The following GAGE12J variants were observed in gnomAD, a reference collection of about 807,000 sequenced individuals.
The protein encoded by GAGE12J is G antigen 12J, also known as G antigen 11.
GAGE12J carries 5 observed loss-of-function variants against 8.5 expected under a neutral mutation model. The observed-to-expected ratio is 0.59, with a 90% confidence interval of 0.31 to 1.24. The LOEUF (loss-of-function observed/expected upper bound fraction) is 1.24, where lower values mean the gene tolerates loss of function less well. Ranked by LOEUF, GAGE12J falls within the 50% of genes most tolerant of loss-of-function variation. The pLI, the probability that GAGE12J is intolerant of heterozygous loss-of-function variation, is 0.06. For synonymous variants in GAGE12J, 10 were observed against 19.2 expected, an observed-to-expected ratio of 0.52 and a Z score of 1.25; for missense variants, 26 against 63.0, an observed-to-expected ratio of 0.41 and a Z score of 1.99.
rs1396195601 is a variant in GAGE12J at position 49,328,128 on chromosome X, T to G, written c.332-1143T>G. ...TTATTTATTTATTTATTGTTATACT[T>G]TAAGTTTTAGGGTACATGTGCACGT... is the stretch of plus-strand genomic sequence containing the variant. On this transcript the variant is annotated intron_variant, in intron 4 of 4. Coordinates refer to ENST00000442437, the MANE Select transcript of GAGE12J (RefSeq NM_001098406.4). 4.1e-4 allele frequency among the ~76,000 whole-genome samples: 31 copies of G among 76,083 alleles called. 7 individuals are homozygous for G. Among genetic ancestry groups the G allele is most frequent in the Non-Finnish European group, 1.0e-3 (31 of 30,191 alleles). The allele number at this position is 76,083 out of a possible 115,157, so 66.1% of individuals were successfully genotyped here. A position where few individuals can be genotyped will look rare whatever the true frequency, so the allele number is the denominator to read the frequency against.
At chrX:49,325,519 C>A (rs1488937819) in intron 3 of GAGE12J, among the ~76,000 whole-genome samples, 13 of 88,698 alleles carry the variant, frequency 1.5e-4, no homozygotes, top group Admixed American at 2.4e-4. Flanking sequence ...CTGGATTCAC[C>A]AATTGTTAAT....
In GAGE12J at chrX:49,323,193, T is replaced by G. The variant is rs782006335; in HGVS notation, c.-1T>G. 8.8e-7 allele frequency: 1 copy of G among 1,134,346 alleles called. No individual in the cohort carries two copies. The highest frequency in any genetic ancestry group is 1.2e-6 in the Non-Finnish European group (1 of 833,990). The allele number at this position is 1,134,346 out of a possible 1,213,427, so 93.5% of individuals were successfully genotyped here. A position where few individuals can be genotyped will look rare whatever the true frequency, so the allele number is the denominator to read the frequency against. Reference sequence around the variant, plus strand: ...ACGGTTGTCTGTTTTCAGTGTGAAATATGAGTTGGCGAGGAAGATCGACCT... The same window carrying G: ...ACGGTTGTCTGTTTTCAGTGTGAAAGATGAGTTGGCGAGGAAGATCGACCT... On this transcript the variant is annotated 5_prime_UTR_variant, in exon 2 of 5. Transcript: ENST00000442437.
chrX:49,326,960 TGTCTCCA>T (rs2066446447), intron 4 of GAGE12J, 145 bp downstream of exon 4: 1 of 924,867 alleles, frequency 1.1e-6, no homozygotes, highest in Non-Finnish European at 1.5e-6. Context: ...CTGGAAATTC[TGTCTCCA>T]GGGTTCAAGT....
At chrX:49,325,617 A>T (rs1240053099) in intron 3 of GAGE12J, among the ~76,000 whole-genome samples, 2 of 79,843 alleles carry the variant, frequency 2.5e-5, no homozygotes, top group Admixed American at 1.3e-4. Flanking sequence ...ACACATACAT[A>T]CTGTTATTAA....
Position 49,322,541 on chromosome X carries a change from C to A in GAGE12J, c.-9+397C>A, listed in dbSNP as rs1387067923. On this transcript the variant is annotated intron_variant, in intron 1 of 4. Coordinates refer to ENST00000442437, the MANE Select transcript of GAGE12J (RefSeq NM_001098406.4). ...GCTGCGGCCTGGTGAGCGCCCCCCC[C>A]AGCGGTGTGGAGTGCGGAGCGCCTG... 2.0e-5 allele frequency among the ~76,000 whole-genome samples: 2 copies of A among 97,974 alleles called. 1 individual carries two copies. The highest frequency in any genetic ancestry group is 6.8e-5 in the African/African-American group (2 of 29,498). The allele number at this position is 97,974 out of a possible 115,157, so 85.1% of individuals were successfully genotyped here.
intron 2 of GAGE12J, 141 bp from the exon 3 acceptor site, chrX:49,323,602 T>C: frequency 1.5e-6 from 1 of 648,964 alleles, no homozygotes; most frequent in Non-Finnish European, 2.3e-6. Flanking sequence ...GTAACCTTAT[T>C]GGGCATAGAG....
chrX:49,328,132 G>C (rs1327044514), intron 4 of GAGE12J, among the ~76,000 whole-genome samples: 3 of 75,159 alleles, frequency 4.0e-5, no homozygotes, highest in Admixed American at 1.4e-4. Context: ...TATACTTTAA[G>C]TTTTAGGGTA....
intron 3 of GAGE12J, among the ~76,000 whole-genome samples, chrX:49,325,512 G>A (rs1219242851): frequency 2.2e-5 from 2 of 90,743 alleles, no homozygotes; most frequent in Admixed American, 2.3e-4. Context: ...TGTTCATCTG[G>A]ATTCACCAAT....
chrX:49,322,386 G>A (rs1449943475), intron 1 of GAGE12J, among the ~76,000 whole-genome samples: 2 of 108,811 alleles, frequency 1.8e-5, no homozygotes, highest in Non-Finnish European at 3.9e-5. Flanking sequence ...GTGAAGATGG[G>A]GTGAGTGCTG....
intron 2 of GAGE12J, 63 bp downstream of exon 2, chrX:49,323,340 T>G (rs1293183181): frequency 1.1e-6 from 1 of 921,706 alleles, no homozygotes; most frequent in Admixed American, 2.5e-5. Context: ...GTGATAGCGT[T>G]GTTGCATTAG....
At chrX:49,325,583 C>T (rs2066441694) in intron 3 of GAGE12J, among the ~76,000 whole-genome samples, 1 of 79,685 alleles carries the variant, frequency 1.3e-5, no homozygotes, top group African/African-American at 3.4e-5. Flanking sequence ...ACCGTGCTGC[C>T]CACACACTCA....
At position 49,322,538 on chromosome X, in the gene GAGE12J, C is replaced by A. The variant is rs1229681726; in HGVS notation, c.-9+394C>A. 1.9e-4 allele frequency among the ~76,000 whole-genome samples: 19 copies of A among 98,487 alleles called. 1 individual carries two copies. Among genetic ancestry groups the A allele is most frequent in the African/African-American group, 5.7e-4 (17 of 29,598 alleles). The allele number at this position is 98,487 out of a possible 115,157, so 85.5% of individuals were successfully genotyped here. On this transcript the variant is annotated intron_variant, in intron 1 of 4. Coordinates refer to ENST00000442437, the MANE Select transcript of GAGE12J (RefSeq NM_001098406.4). ...AAGGCTGCGGCCTGGTGAGCGCCCC[C>A]CCCAGCGGTGTGGAGTGCGGAGCGC...
chrX:49,328,069 A>G lies in GAGE12J; in HGVS notation c.332-1202A>G, dbSNP rs1294823846. Among the ~76,000 whole-genome samples, 289 of 67,771 alleles carry G rather than the reference A, an allele frequency of 4.3e-3. 3 individuals are homozygous for G. The highest frequency in any genetic ancestry group is 0.01 in the African/African-American group (276 of 27,468). 58.9% of individuals were successfully genotyped at this position (67,771 alleles called of 115,157 possible). A position where few individuals can be genotyped will look rare whatever the true frequency, so the allele number is the denominator to read the frequency against. On this transcript the variant is annotated intron_variant, in intron 4 of 4. Coordinates refer to ENST00000442437, the MANE Select transcript of GAGE12J (RefSeq NM_001098406.4). ...CCAGGCAGGGTTTCTCTGGCTTTTA[A>G]TGAACAATTGCTTCTTTTTTTTCTT...
rs782726139 is a variant in GAGE12J at position 49,323,286 on chromosome X, T to C, written c.84+9T>C. ...TGATTGGGCCTATGCGGGTGAGTGC[T>C]TGAACGTTAATTCGATGTTTTCTAT... On this transcript the variant is annotated intron_variant, in intron 2 of 4. Coordinates refer to ENST00000442437, the MANE Select transcript of GAGE12J (RefSeq NM_001098406.4). The C allele has an allele frequency of 3.5e-6, 4 of 1,144,043 alleles. No homozygotes were observed. In the South Asian group the frequency reaches 5.4e-5, roughly 16 times the overall value. 94.3% of individuals were successfully genotyped at this position (1,144,043 alleles called of 1,213,427 possible). A position where few individuals can be genotyped will look rare whatever the true frequency, so the allele number is the denominator to read the frequency against.
chrX:49,328,132 G>A (rs1327044514), intron 4 of GAGE12J, among the ~76,000 whole-genome samples: 1 of 75,159 alleles, frequency 1.3e-5, no homozygotes, highest in Non-Finnish European at 3.4e-5. Flanking sequence ...TATACTTTAA[G>A]TTTTAGGGTA....
intron 1 of GAGE12J, among the ~76,000 whole-genome samples, chrX:49,322,419 G>A (rs1432860080): frequency 9.2e-6 from 1 of 109,134 alleles, no homozygotes; most frequent in Non-Finnish European, 2.0e-5. Context: ...AAGTCCCGAG[G>A]TGCCGGGAAC....
intron 2 of GAGE12J, 26 bp downstream of exon 2, chrX:49,323,303 G>T (rs1557126421): frequency 6.3e-6 from 7 of 1,118,911 alleles, no homozygotes; most frequent in Non-Finnish European, 8.5e-6. Context: ...TTAATTCGAT[G>T]TTTTCTATTA....
chrX:49,322,520 C>G (rs5953304), intron 1 of GAGE12J, among the ~76,000 whole-genome samples: 2 of 101,833 alleles, frequency 2.0e-5, no homozygotes, highest in East Asian at 3.0e-4. Context: ...GGGAAGGCTG[C>G]GGCCTGGTGA....
chrX:49,322,072 G>C lies in GAGE12J; in HGVS notation c.-81G>C. 1 of 225,235 alleles carries C rather than the reference G, an allele frequency of 4.4e-6. No homozygotes were observed. Among genetic ancestry groups the C allele is most frequent in the South Asian group, 2.3e-4 (1 of 4,433 alleles). 18.6% of individuals were successfully genotyped at this position (225,235 alleles called of 1,213,427 possible). A position where few individuals can be genotyped will look rare whatever the true frequency, so the allele number is the denominator to read the frequency against. Reference sequence around the variant, plus strand: ...CGGCCCCTTCGCCCACGTGAAGAACGCCAGGGAGCTGTGAGGCAGTGCTGT... The same window carrying C: ...CGGCCCCTTCGCCCACGTGAAGAACCCCAGGGAGCTGTGAGGCAGTGCTGT... On this transcript the variant is annotated 5_prime_UTR_variant, in exon 1 of 5. Transcript: ENST00000442437.
Sources: gnomAD v4.1 joint callset for allele counts (sites outside exome capture counted in the v4.1 genomes callset) on GRCh38, gnomAD v4.1.1 for gene constraint, MANE v1.5 for transcripts, NCBI Gene and HGNC (gene_info 2026-07-23, HGNC 2026-07-21) for gene names.